The following CTBP2 variants were observed in gnomAD, a reference collection of about 807,000 sequenced individuals.
CTBP2 encodes the protein C-terminal-binding protein 2.
A neutral mutation model predicts 80.3 loss-of-function variants in CTBP2; 30 were observed. The ratio of observed to expected loss-of-function variants is 0.37; its 90% confidence interval spans 0.28 to 0.51. CTBP2 has a LOEUF of 0.51. Ranked by LOEUF, CTBP2 falls within the 20% of genes least tolerant of loss-of-function variation. The pLI, the probability that CTBP2 is intolerant of heterozygous loss-of-function variation, is 0.93. For synonymous variants in CTBP2, 594 were observed against 587.4 expected, an observed-to-expected ratio of 1.01 and a Z score of -0.16; for missense variants, 1,212 against 1,375.3, an observed-to-expected ratio of 0.88 and a Z score of 1.88.
intron 2 of CTBP2, among the ~76,000 whole-genome samples, chr10:125,084,123 A>G (rs1847611365): frequency 6.6e-6 from 1 of 151,622 alleles, no homozygotes; most frequent in Non-Finnish European, 1.5e-5. Flanking sequence ...AGAGCCCACT[A>G]TGTTATTTTA....
chr10:125,144,543 T>C (rs1858404307), intron 1 of CTBP2, among the ~76,000 whole-genome samples: 1 of 152,190 alleles, frequency 6.6e-6, no homozygotes, highest in Admixed American at 6.5e-5. Flanking sequence ...ATAAAAAGGA[T>C]TTGCCACAAA....
At chr10:125,075,246 G>A (rs1164129445) in intron 2 of CTBP2, among the ~76,000 whole-genome samples, 1 of 152,164 alleles carries the variant, frequency 6.6e-6, no homozygotes, top group African/African-American at 2.4e-5. Context: ...TACAGTTCCA[G>A]TATACCACAG....
chr10:125,012,673 G>A (rs1346919044), intron 1 of CTBP2, among the ~76,000 whole-genome samples: 1 of 152,098 alleles, frequency 6.6e-6, no homozygotes, highest in Non-Finnish European at 1.5e-5. Flanking sequence ...GGAGTCTCAC[G>A]CTGTTGTCCA....
intron 1 of CTBP2, among the ~76,000 whole-genome samples, chr10:125,009,195 G>A (rs764729827): frequency 2.6e-5 from 4 of 152,152 alleles, no homozygotes; most frequent in African/African-American, 4.8e-5. Flanking sequence ...GCCTTACTAA[G>A]TAAATTAAAT....
intron 2 of CTBP2, among the ~76,000 whole-genome samples, chr10:125,049,383 G>A (rs1397386466): frequency 6.6e-6 from 1 of 152,206 alleles, no homozygotes; most frequent in African/African-American, 2.4e-5. Context: ...GGCAGAGGAT[G>A]CCTTTGGATA....
intron 1 of CTBP2, among the ~76,000 whole-genome samples, chr10:125,015,529 C>T (rs1045035452): frequency 2.6e-5 from 4 of 152,220 alleles, no homozygotes; most frequent in African/African-American, 4.8e-5. Flanking sequence ...GGGCTCCCTC[C>T]GTCCACTCCC....
upstream of CTBP2, among the ~76,000 whole-genome samples, chr10:125,030,147 C>T (rs199649145): frequency 0.022 from 47 of 2,176 alleles, no homozygotes; most frequent in African/African-American, 0.025. Context: ...ACACAAACAC[C>T]ACACACACAC....
intron 4 of CTBP2, chr10:124,997,601 C>T (rs760749797): frequency 1.7e-5 from 5 of 292,352 alleles, no homozygotes; most frequent in African/African-American, 4.3e-5. Flanking sequence ...TACACGAGCC[C>T]CAAGCCTGGC....
At chr10:125,050,120 G>A (rs1370998756) in intron 2 of CTBP2, among the ~76,000 whole-genome samples, 1 of 152,194 alleles carries the variant, frequency 6.6e-6, no homozygotes, top group Admixed American at 6.5e-5. Flanking sequence ...AGGAGTGGAG[G>A]ATTATGTTTG....
chr10:125,142,557 C>T (rs1858015216), intron 1 of CTBP2, among the ~76,000 whole-genome samples: 2 of 152,086 alleles, frequency 1.3e-5, no homozygotes, highest in South Asian at 2.1e-4. Flanking sequence ...CACCCGGTGG[C>T]GACGCCTAGA....
chr10:125,036,283 G>C (rs888869731), intron 3 of CTBP2, among the ~76,000 whole-genome samples: 2 of 152,156 alleles, frequency 1.3e-5, no homozygotes, highest in African/African-American at 4.8e-5. Flanking sequence ...AGATTCCAGC[G>C]GAGTACCTGG....
intron 2 of CTBP2, among the ~76,000 whole-genome samples, chr10:125,070,693 T>C (rs762281854): frequency 7.9e-5 from 12 of 151,960 alleles, no homozygotes; most frequent in Non-Finnish European, 1.8e-4. Flanking sequence ...TGAGAGGGAG[T>C]CTCGTTCTGT....
At chr10:125,057,448 C>CA (rs1564818058) in intron 2 of CTBP2, among the ~76,000 whole-genome samples, 1 of 152,192 alleles carries the variant, frequency 6.6e-6, no homozygotes, top group Non-Finnish European at 1.5e-5. Context: ...CTATGAAATC[C>CA]GTCTGGGCCC....
At chr10:125,137,938 A>AGTACT (rs1857209429) in intron 1 of CTBP2, 2 of 152,160 alleles carry the variant, frequency 1.3e-5, no homozygotes, top group Non-Finnish European at 2.9e-5. Flanking sequence ...TGCAGAGAAG[A>AGTACT]CCCCAGGGGA....
intron 1 of CTBP2, chr10:125,122,518 C>T (rs1854504963): frequency 6.6e-6 from 1 of 152,238 alleles, no homozygotes; most frequent in Admixed American, 6.5e-5. Context: ...TGCACCGGGC[C>T]TGCACCACAC....
chr10:125,025,864 C>T (rs1301651659), intron 1 of CTBP2, among the ~76,000 whole-genome samples: 3 of 152,234 alleles, frequency 2.0e-5, no homozygotes, highest in African/African-American at 7.2e-5. Flanking sequence ...AACAGGAGGG[C>T]ACTGCTGCCC....
intron 2 of CTBP2, among the ~76,000 whole-genome samples, chr10:125,100,290 A>G (rs776576540): frequency 3.3e-5 from 5 of 152,262 alleles, no homozygotes; most frequent in Non-Finnish European, 7.3e-5. Context: ...CCCAATTCTC[A>G]GAGTACAATG....
intron 1 of CTBP2, among the ~76,000 whole-genome samples, chr10:125,020,139 G>A (rs1434457455): frequency 1.3e-5 from 2 of 152,152 alleles, no homozygotes; most frequent in South Asian, 2.1e-4. Context: ...CCTTGGCTCC[G>A]CAAACCTTCC....
chr10:125,113,950 G>A (rs997247717), intron 1 of CTBP2, among the ~76,000 whole-genome samples: 2 of 152,156 alleles, frequency 1.3e-5, no homozygotes, highest in African/African-American at 2.4e-5. Flanking sequence ...GCAAGTGCTC[G>A]TTGTTACTTG....
Sources: allele counts gnomAD v4.1 joint callset (sites outside exome capture counted in the v4.1 genomes callset), GRCh38; gene constraint gnomAD v4.1.1; transcripts MANE v1.5; gene names NCBI Gene and HGNC (gene_info 2026-07-23, HGNC 2026-07-21).